The following CUL1 variants were observed in gnomAD, a reference collection of about 807,000 sequenced individuals.
The protein encoded by CUL1 is cullin 1, also known as cullin-1.
Under a neutral mutation model 118.0 loss-of-function variants are expected in CUL1, and 24 were observed. That is an observed-to-expected ratio of 0.20 (90% confidence interval 0.15 to 0.29). The LOEUF (loss-of-function observed/expected upper bound fraction) is 0.29. CUL1 is among the 10% of genes least tolerant of loss of function. The pLI is 1.00. For missense variants in CUL1, 361 were observed against 933.8 expected, an observed-to-expected ratio of 0.39 and a Z score of 7.99; for synonymous variants, 332 against 340.4, an observed-to-expected ratio of 0.98 and a Z score of 0.27.
intron 1 of CUL1, among the ~76,000 whole-genome samples, chr7:148,724,088 CA>C: frequency 6.6e-6 from 1 of 152,136 alleles, no homozygotes; most frequent in Non-Finnish European, 1.5e-5. Flanking sequence ...TGCTCTTTTT[CA>C]AAAGCCCTTC....
At chr7:148,725,578 C>T (rs1008684391) in intron 1 of CUL1, among the ~76,000 whole-genome samples, 1 of 152,186 alleles carries the variant, frequency 6.6e-6, no homozygotes, top group African/African-American at 2.4e-5. Flanking sequence ...CTTGTCATCT[C>T]GTGGGTGCCC....
At chr7:148,778,758 C>T (rs1800510890) in intron 9 of CUL1, among the ~76,000 whole-genome samples, 2 of 152,198 alleles carry the variant, frequency 1.3e-5, no homozygotes, top group East Asian at 3.8e-4. Flanking sequence ...TCTTTAGCCC[C>T]TGGCTGGATG....
At chr7:148,742,599 T>C (rs13229330) in intron 2 of CUL1, among the ~76,000 whole-genome samples, 5 of 69,358 alleles carry the variant, frequency 7.2e-5, no homozygotes, top group African/African-American at 6.9e-4. Flanking sequence ...CCTTTTCTGG[T>C]TTTTTTTTTT....
chr7:148,703,212 G>A (rs1471052868), intron 1 of CUL1, among the ~76,000 whole-genome samples: 1 of 152,180 alleles, frequency 6.6e-6, no homozygotes, highest in Non-Finnish European at 1.5e-5. Flanking sequence ...AATTCATTAT[G>A]CAGAACTGTG....
chr7:148,789,875 G>T, intron 15 of CUL1, 49 bp downstream of exon 15: 1 of 1,543,966 alleles, frequency 6.5e-7, no homozygotes, highest in Non-Finnish European at 9.0e-7. Context: ...TGGAGGGTGG[G>T]GCAGGGCAGC....
In CUL1 at chr7:148,760,412, AT is replaced by A; in HGVS notation, c.710del (p.Leu237TrpfsTer25). On this transcript the variant is annotated frameshift_variant, in exon 7 of 22. Transcript: ENST00000325222. LOFTEE classifies it high-confidence loss of function. ...TVYKESFESQFLADTERFYTR... is the reference protein window; with the variant it reads ...TVYKESFESQXLADTERFYTR... The stretch of plus-strand genomic sequence containing the variant: ...TGTATAAAGAATCCTTTGAATCTCA[AT>A]TTTTGGCTGACACAGAGAGATTTTA... The A allele has an allele frequency of 6.2e-7, 1 of 1,613,596 alleles. No individual in the cohort carries two copies. Among genetic ancestry groups the A allele is most frequent in the Non-Finnish European group, 8.5e-7 (1 of 1,179,710 alleles).
chr7:148,786,581 A>G lies in CUL1; in HGVS notation c.1329A>G (p.Glu443=). Residue 443 remains glutamate (E), a synonymous_variant, in exon 12 of 22, where the codon GAA becomes GAG. Coordinates refer to ENST00000325222, the MANE Select transcript of CUL1 (RefSeq NM_003592.3). ...AGAACCCAGAGGAGGCAGAACTAGA[A>G]GACACACTCAATCAAGTGGTAAGTG... ...SSKNPEEAEL[E]DTLNQVMVVF... is the part of the protein sequence containing the mutation. The G allele has an allele frequency of 2.5e-6, 4 of 1,613,952 alleles. No homozygotes were observed. Among genetic ancestry groups the G allele is most frequent in the Non-Finnish European group, 3.4e-6 (4 of 1,179,922 alleles).
At chr7:148,759,279 A>G (rs1799762283) in intron 4 of CUL1, 25 bp from the exon 5 acceptor site, 1 of 1,607,934 alleles carries the variant, frequency 6.2e-7, no homozygotes. Context: ...AAAAGTATAG[A>G]CATTTTGTAC....
At position 148,759,310 on chromosome 7, in the gene CUL1, T is replaced by C. The variant is rs1253482714; in HGVS notation, c.490T>C (p.Leu164=). 3.7e-6 allele frequency: 6 copies of C among 1,613,818 alleles called. No homozygotes were observed. The highest frequency in any genetic ancestry group is 2.7e-5 in the African/African-American group (2 of 74,910). ...KGIYEIYSLA[L]VTWRDCLFRP... is the part of the protein sequence containing the mutation. ...TGTACTTTTTTTTCTCCAGCTTGCATTGGTGACTTGGAGAGACTGTCTGTT... is the reference window on the plus strand; with the variant it reads ...TGTACTTTTTTTTCTCCAGCTTGCACTGGTGACTTGGAGAGACTGTCTGTT... The change falls in exon 5 of 22, where the codon TTG becomes CTG. Residue 164 remains leucine, a synonymous_variant. Coordinates refer to ENST00000325222, the MANE Select transcript of CUL1 (RefSeq NM_003592.3).
intron 2 of CUL1, among the ~76,000 whole-genome samples, chr7:148,733,944 G>A (rs544979757): frequency 6.6e-6 from 1 of 152,010 alleles, no homozygotes; most frequent in African/African-American, 2.4e-5. Context: ...GGTTGCTGTA[G>A]CAGAGAGGTG....
intron 14 of CUL1, 72 bp from the exon 15 acceptor site, chr7:148,789,678 T>C (rs1800941853): frequency 8.4e-7 from 1 of 1,193,444 alleles, no homozygotes; most frequent in Non-Finnish European, 1.2e-6. Context: ...TCTGAAATGA[T>C]TGAATTTTTC....
intron 3 of CUL1, among the ~76,000 whole-genome samples, chr7:148,755,874 G>T (rs1036361968): frequency 3.9e-5 from 6 of 152,208 alleles, no homozygotes; most frequent in African/African-American, 1.4e-4. Flanking sequence ...CTTCCAGTCT[G>T]TTGTAGCCAT....
chr7:148,769,280 C>T (rs1800122876), intron 9 of CUL1, among the ~76,000 whole-genome samples: 1 of 152,064 alleles, frequency 6.6e-6, no homozygotes, highest in Non-Finnish European at 1.5e-5. Context: ...GCAGTGATGA[C>T]TGCTGCACGT....
chr7:148,738,767 A>T (rs1799044121), intron 2 of CUL1, among the ~76,000 whole-genome samples: 2 of 151,860 alleles, frequency 1.3e-5, no homozygotes, highest in Non-Finnish European at 2.9e-5. Flanking sequence ...TTCTTATTTC[A>T]TCTTAATTCC....
intron 2 of CUL1, among the ~76,000 whole-genome samples, chr7:148,740,527 C>G (rs1048947955): frequency 4.7e-4 from 71 of 152,318 alleles, no homozygotes; most frequent in African/African-American, 1.7e-3. Flanking sequence ...TTCCTTCTTA[C>G]CCCTACCTTC....
intron 1 of CUL1, among the ~76,000 whole-genome samples, chr7:148,709,033 C>A (rs1797970937): frequency 6.6e-6 from 1 of 152,150 alleles, no homozygotes; most frequent in Non-Finnish European, 1.5e-5. Flanking sequence ...ATCCACATAG[C>A]TTTTTATGGT....
At chr7:148,781,079 A>ATTTTTTT (rs1197920664) in intron 9 of CUL1, among the ~76,000 whole-genome samples, 34,527 of 93,266 alleles carry the variant, frequency 0.37, 9,855 homozygotes, top group African/African-American at 0.41. Flanking sequence ...TCAAGGCCAG[A>ATTTTTTT]TTTTTTTTTT....
Position 148,702,340 on chromosome 7 carries a change from A to G in CUL1, c.-162+3311A>G, listed in dbSNP as rs145017048. Reference sequence around the variant, plus strand: ...GAACATCTTGCTTGGGAGAGAAGACATGGAGTCTAGTTCAAGCTTACCTTT... The same window carrying G: ...GAACATCTTGCTTGGGAGAGAAGACGTGGAGTCTAGTTCAAGCTTACCTTT... On this transcript the variant is annotated intron_variant, in intron 1 of 21. Coordinates refer to ENST00000325222, the MANE Select transcript of CUL1 (RefSeq NM_003592.3). Among the ~76,000 whole-genome samples, 267 of 152,318 alleles carry G rather than the reference A, an allele frequency of 1.8e-3. 1 individual carries two copies. The highest frequency in any genetic ancestry group is 6.1e-3 in the African/African-American group (252 of 41,570).
chr7:148,769,524 C>T (rs1161632213), intron 9 of CUL1, among the ~76,000 whole-genome samples: 1 of 151,242 alleles, frequency 6.6e-6, no homozygotes, highest in African/African-American at 2.4e-5. Context: ...AGGTGCCTTC[C>T]CAGTTGTTGA....
Sources: allele counts gnomAD v4.1 joint callset (sites outside exome capture counted in the v4.1 genomes callset), GRCh38; gene constraint gnomAD v4.1.1; transcripts MANE v1.5; gene names NCBI Gene and HGNC (gene_info 2026-07-23, HGNC 2026-07-21).